Variants in MPHOSPH9 observed in about 807,000 individuals in gnomAD.
MPHOSPH9 encodes the protein M-phase phosphoprotein 9.
In MPHOSPH9, 88 loss-of-function variants were observed where a neutral mutation model predicts 145.5. The observed-to-expected ratio is 0.60, with a 90% CI of 0.51 to 0.72. MPHOSPH9 has a LOEUF of 0.72. Ranked by LOEUF, MPHOSPH9 falls within the 30% of genes least tolerant of loss-of-function variation. The pLI, the probability that MPHOSPH9 is intolerant of heterozygous loss-of-function variation, is 0.00. For missense variants in MPHOSPH9, 1,238 were observed against 1,386.6 expected (o/e 0.89, Z 1.70); for synonymous variants, 435 against 486.2 (o/e 0.89, Z 1.39).
At chr12:123,165,962 A>G (rs1434546619) in intron 17 of MPHOSPH9, among the ~76,000 whole-genome samples, 5 of 152,152 alleles carry the variant, frequency 3.3e-5, no homozygotes, top group African/African-American at 1.2e-4. Flanking sequence ...AATAAATTAA[A>G]CCTGCATACA....
intron 6 of MPHOSPH9, among the ~76,000 whole-genome samples, chr12:123,217,127 A>C (rs1276087767): frequency 6.6e-6 from 1 of 152,184 alleles, no homozygotes; most frequent in South Asian, 2.1e-4. Context: ...CTGCTAGCTT[A>C]GCAAAAGGGC....
At chr12:123,189,916 A>G (rs2045601696) in intron 13 of MPHOSPH9, among the ~76,000 whole-genome samples, 1 of 151,448 alleles carries the variant, frequency 6.6e-6, no homozygotes, top group Non-Finnish European at 1.5e-5. Flanking sequence ...AGCCTGGGCA[A>G]TGGAGCGAGA....
At chr12:123,239,023 C>T (rs1420153558) in intron 1 of MPHOSPH9, among the ~76,000 whole-genome samples, 1 of 152,184 alleles carries the variant, frequency 6.6e-6, no homozygotes, top group Non-Finnish European at 1.5e-5. Context: ...GTAATCCCAG[C>T]ACTTTGGAAG....
chr12:123,154,321 C>A lies in MPHOSPH9; in HGVS notation c.*2486G>T, dbSNP rs2043821732. On this transcript the variant is annotated 3_prime_UTR_variant, in exon 24 of 24. Transcript: ENST00000606320. ...GATAATAGCTGCTATTTAGAATTGC[C>A]ATCTTTCCTGCTTTTAGGTGGAGTG... 6.6e-6 allele frequency: 1 copy of A among 151,834 alleles called. No individual in the cohort carries two copies. The highest frequency in any genetic ancestry group is 1.5e-5 in the Non-Finnish European group (1 of 67,998). 9.4% of individuals were successfully genotyped at this position (151,834 alleles called of 1,614,324 possible).
At chr12:123,207,956 T>C (rs1474082712) in intron 8 of MPHOSPH9, among the ~76,000 whole-genome samples, 1 of 151,312 alleles carries the variant, frequency 6.6e-6, no homozygotes, top group Non-Finnish European at 1.5e-5. Flanking sequence ...TTAAAAAAAA[T>C]GGGCCAGCGC....
At chr12:123,189,710 G>A (rs376238842) in intron 13 of MPHOSPH9, among the ~76,000 whole-genome samples, 4 of 152,080 alleles carry the variant, frequency 2.6e-5, no homozygotes, top group East Asian at 1.9e-4. Context: ...CGAGGCGGGC[G>A]GATCACGAGG....
chr12:123,228,991 A>G (rs1489062590), intron 2 of MPHOSPH9, among the ~76,000 whole-genome samples: 1 of 152,180 alleles, frequency 6.6e-6, no homozygotes, highest in East Asian at 1.9e-4. Context: ...TGTGCCTTTT[A>G]AAATTTCCTT....
chr12:123,232,956 G>C (rs2047733587), intron 1 of MPHOSPH9, 119 bp downstream of exon 1: 1 of 152,480 alleles, frequency 6.6e-6, no homozygotes, highest in Non-Finnish European at 1.5e-5. Context: ...CCAATCGGCA[G>C]CCGTCACCCC....
Position 123,181,162 on chromosome 12 carries a change from C to T in MPHOSPH9, c.2289+1G>A, listed in dbSNP as rs770394662. ...CTAGAACATGAACCATTACCCCTTACCTTTACTCTCCTGTGTTCTTTTCCA... is the reference window on the plus strand; with the variant it reads ...CTAGAACATGAACCATTACCCCTTATCTTTACTCTCCTGTGTTCTTTTCCA... On this transcript the variant is annotated splice_donor_variant, in intron 14 of 23. Coordinates refer to ENST00000606320, the MANE Select transcript of MPHOSPH9 (RefSeq NM_022782.4). LOFTEE classifies it high-confidence loss of function. The T allele has an allele frequency of 1.2e-6, 2 of 1,610,890 alleles. No homozygotes were observed. Among genetic ancestry groups the T allele is most frequent in the Non-Finnish European group, 1.7e-6 (2 of 1,177,194 alleles).
At chr12:123,175,196 G>C (rs1039611648) in intron 16 of MPHOSPH9, among the ~76,000 whole-genome samples, 1 of 151,558 alleles carries the variant, frequency 6.6e-6, no homozygotes, top group African/African-American at 2.4e-5. Context: ...TGTCTCCCAG[G>C]CTGGAGTGCA....
chr12:123,198,345 T>TA lies in MPHOSPH9; in HGVS notation c.1938-12dup. On this transcript the variant is annotated splice_polypyrimidine_tract_variant and intron_variant, in intron 11 of 23. Coordinates refer to ENST00000606320, the MANE Select transcript of MPHOSPH9 (RefSeq NM_022782.4). ...TCTAATTGGCCACATCTAAAAACCA[T>TA]AAATTTAGCTTCAATTAGAAGATAA... 6.3e-7 allele frequency: 1 copy of TA among 1,598,914 alleles called. No homozygotes were observed. Among genetic ancestry groups the TA allele is most frequent in the Non-Finnish European group, 8.5e-7 (1 of 1,170,102 alleles).
At chr12:123,217,769 C>T (rs149473982) in intron 6 of MPHOSPH9, among the ~76,000 whole-genome samples, 3 of 151,876 alleles carry the variant, frequency 2.0e-5, no homozygotes, top group African/African-American at 4.8e-5. Context: ...ATGGGCCGAG[C>T]GTGGTGGCTC....
chr12:123,159,415 G>T lies in MPHOSPH9; in HGVS notation c.3450+1366C>A, dbSNP rs991238056. ...CCTGACCTCGTGATCCGCCCACCTCGGCCTCCCAAAGTGCTGGGATTACAG... is the reference window on the plus strand; with the variant it reads ...CCTGACCTCGTGATCCGCCCACCTCTGCCTCCCAAAGTGCTGGGATTACAG... On this transcript the variant is annotated intron_variant, in intron 23 of 23. Coordinates refer to ENST00000606320, the MANE Select transcript of MPHOSPH9 (RefSeq NM_022782.4). This position sits in a 1 kb window ranked among gnomAD's most constrained non-coding sequence, Gnocchi z 4.3. 6.6e-6 allele frequency among the ~76,000 whole-genome samples: 1 copy of T among 151,984 alleles called. No homozygotes were observed. Among genetic ancestry groups the T allele is most frequent in the East Asian group, 1.9e-4 (1 of 5,170 alleles).
At chr12:123,228,039 C>A (rs1008932693) in intron 2 of MPHOSPH9, among the ~76,000 whole-genome samples, 27 of 152,288 alleles carry the variant, frequency 1.8e-4, no homozygotes, top group African/African-American at 5.8e-4. Context: ...TCACTGGACA[C>A]CCTTAATTTG....
At chr12:123,157,377 T>C (rs1359792356) in intron 23 of MPHOSPH9, among the ~76,000 whole-genome samples, 8 of 65,776 alleles carry the variant, frequency 1.2e-4, no homozygotes, top group Non-Finnish European at 1.7e-4. Flanking sequence ...TGAAGGATAC[T>C]TTTCTTAAAA....
At chr12:123,232,283 TTC>T (rs1283605620) in intron 1 of MPHOSPH9, among the ~76,000 whole-genome samples, 2 of 151,682 alleles carry the variant, frequency 1.3e-5, no homozygotes, top group African/African-American at 2.4e-5. Context: ...CCACTAGAAA[TTC>T]AAAGATGCTT....
At chr12:123,183,026 C>A (rs146558427) in intron 13 of MPHOSPH9, among the ~76,000 whole-genome samples, 54 of 140,914 alleles carry the variant, frequency 3.8e-4, no homozygotes, top group African/African-American at 1.4e-3. Flanking sequence ...CCAGCCTGGC[C>A]AATATGGTAA....
intron 17 of MPHOSPH9, 31 bp downstream of exon 17, chr12:123,166,624 C>T: frequency 1.2e-6 from 2 of 1,606,880 alleles, no homozygotes; most frequent in Non-Finnish European, 1.7e-6. Context: ...CATAACATCC[C>T]TAAATAGAAT....
chr12:123,182,177 G>C (rs1221924759), intron 13 of MPHOSPH9, among the ~76,000 whole-genome samples: 2 of 150,738 alleles, frequency 1.3e-5, no homozygotes, highest in African/African-American at 2.4e-5. Flanking sequence ...TTGACCTCAT[G>C]ATCCGCCCGC....
Sources: allele counts gnomAD v4.1 joint callset (sites outside exome capture counted in the v4.1 genomes callset), GRCh38; gene constraint gnomAD v4.1.1; non-coding constraint Gnocchi (gnomAD v3.1); transcripts MANE v1.5; gene names NCBI Gene and HGNC (gene_info 2026-07-23, HGNC 2026-07-21).